PTPRG: variants seen among roughly 807,000 people sequenced by gnomAD.
PTPRG encodes the protein receptor-type tyrosine-protein phosphatase gamma.
In PTPRG, 102 loss-of-function variants were observed where a neutral mutation model predicts 165.3. The observed-to-expected ratio is 0.62, with a 90% CI of 0.53 to 0.73. The LOEUF (loss-of-function observed/expected upper bound fraction) is 0.73, where lower values mean the gene tolerates loss of function less well. PTPRG is among the 30% of genes least tolerant of loss of function. The probability of loss-of-function intolerance (pLI) is 0.00; values close to 1 mark genes in which losing one functional copy is unlikely to be tolerated. For missense variants in PTPRG, 1,866 were observed against 1,861.4 expected, an observed-to-expected ratio of 1.00 and a Z score of -0.05; for synonymous variants, 675 against 669.5, an observed-to-expected ratio of 1.01 and a Z score of -0.13.
At chr3:62,138,674 G>C (rs193216598) in intron 6 of PTPRG, among the ~76,000 whole-genome samples, 17 of 139,926 alleles carry the variant, frequency 1.2e-4, no homozygotes, top group Non-Finnish European at 2.3e-4. Flanking sequence ...AGCTGAGGCT[G>C]CGCCATTGTA....
chr3:62,290,823 A>G (rs1316978380), intron 28 of PTPRG, among the ~76,000 whole-genome samples: 1 of 152,154 alleles, frequency 6.6e-6, no homozygotes, highest in Non-Finnish European at 1.5e-5. Context: ...AAATTAGAAC[A>G]TGTAGGAGAG....
intron 2 of PTPRG, among the ~76,000 whole-genome samples, chr3:61,949,686 G>T (rs770511837): frequency 8.6e-5 from 13 of 151,736 alleles, no homozygotes; most frequent in Admixed American, 6.6e-5. Context: ...CCCTTCCTAA[G>T]CCTTTGGGTT....
intron 1 of PTPRG, among the ~76,000 whole-genome samples, chr3:61,607,310 C>T (rs1701038455): frequency 1.3e-5 from 2 of 152,142 alleles, no homozygotes; most frequent in Non-Finnish European, 2.9e-5. Flanking sequence ...CCTCTGTCTC[C>T]TTGACATGAG....
At chr3:61,584,049 C>T (rs538445057) in intron 1 of PTPRG, among the ~76,000 whole-genome samples, 9 of 152,220 alleles carry the variant, frequency 5.9e-5, no homozygotes, top group South Asian at 4.1e-4. Context: ...TTTGGTTTTT[C>T]GAGTTCATTC....
intron 15 of PTPRG, among the ~76,000 whole-genome samples, chr3:62,248,773 G>A (rs1303298282): frequency 6.6e-6 from 1 of 152,144 alleles, no homozygotes; most frequent in Non-Finnish European, 1.5e-5. Flanking sequence ...CTGGAAATTA[G>A]AAAATCTAAC....
intron 3 of PTPRG, among the ~76,000 whole-genome samples, 180 bp downstream of exon 3, chr3:61,989,984 C>T (rs2040846653): frequency 6.6e-6 from 1 of 151,952 alleles, no homozygotes; most frequent in South Asian, 2.1e-4. Flanking sequence ...GGCTAATCAC[C>T]CTGTGTCTTC....
At chr3:61,890,097 A>G (rs6445239) in intron 2 of PTPRG, among the ~76,000 whole-genome samples, 24,953 of 152,186 alleles carry the variant, frequency 0.16, 4,354 homozygotes, top group African/African-American at 0.44. Flanking sequence ...AGAGTATATG[A>G]GGACAGCTGT....
intron 2 of PTPRG, among the ~76,000 whole-genome samples, chr3:61,945,859 A>G (rs1228362682): frequency 2.0e-5 from 3 of 152,216 alleles, no homozygotes; most frequent in Admixed American, 2.0e-4. Context: ...AGCAGACAAG[A>G]CGGCTATTTC....
intron 1 of PTPRG, among the ~76,000 whole-genome samples, chr3:61,639,193 A>C (rs114887371): frequency 3.9e-5 from 6 of 152,042 alleles, no homozygotes; most frequent in East Asian, 1.9e-4. Flanking sequence ...ATTTTTGTGG[A>C]CTTTGTTGAA....
chr3:62,108,817 G>A (rs768947044), intron 5 of PTPRG, among the ~76,000 whole-genome samples: 2 of 152,244 alleles, frequency 1.3e-5, no homozygotes, highest in East Asian at 3.9e-4. Flanking sequence ...TTTTTTCCAT[G>A]TGTCTGTTGG....
At chr3:61,953,939 A>C (rs2039963382) in intron 2 of PTPRG, among the ~76,000 whole-genome samples, 1 of 152,210 alleles carries the variant, frequency 6.6e-6, no homozygotes, top group South Asian at 2.1e-4. Flanking sequence ...ATGATTCTGA[A>C]TTTAAGGATA....
chr3:62,091,684 A>AGACAATCC lies in PTPRG; in HGVS notation c.615+13432_615+13433insCCGACAAT, dbSNP rs1701935943. On this transcript the variant is annotated intron_variant, in intron 5 of 29. Transcript: ENST00000474889. The stretch of plus-strand genomic sequence containing the variant: ...TCCTTATTAGTGTCTACTTGGTTAG[A>AGACAATCC]GACAATGCCAGCAGTGGGATGTGAT... Among the ~76,000 whole-genome samples the AGACAATCC allele has an allele frequency of 2.0e-5, 3 of 152,182 alleles. No homozygotes were observed. The South Asian group carries it at 6.2e-4, about 31-fold the overall frequency.
At chr3:61,870,823 C>T (rs1236066319) in intron 2 of PTPRG, among the ~76,000 whole-genome samples, 2 of 152,002 alleles carry the variant, frequency 1.3e-5, no homozygotes, top group Admixed American at 6.6e-5. Context: ...ATAACTGCGT[C>T]ATACTAGGCT....
intron 2 of PTPRG, among the ~76,000 whole-genome samples, chr3:61,793,719 G>A (rs1190788524): frequency 1.3e-5 from 2 of 152,158 alleles, no homozygotes; most frequent in Admixed American, 6.5e-5. Flanking sequence ...GTCCAGTCCA[G>A]TACAGCTTTC....
chr3:61,797,113 G>A (rs1474435609), intron 2 of PTPRG, among the ~76,000 whole-genome samples: 1 of 152,208 alleles, frequency 6.6e-6, no homozygotes, highest in Admixed American at 6.5e-5. Flanking sequence ...CTTCCCAGGA[G>A]CTAAGATATT....
At chr3:62,136,567 C>T (rs979658395) in intron 6 of PTPRG, among the ~76,000 whole-genome samples, 4 of 152,130 alleles carry the variant, frequency 2.6e-5, no homozygotes, top group Non-Finnish European at 4.4e-5. Context: ...GTGACTGATA[C>T]GGTTTGGCTG....
At chr3:61,612,998 C>T (rs1701214597) in intron 1 of PTPRG, among the ~76,000 whole-genome samples, 1 of 152,120 alleles carries the variant, frequency 6.6e-6, no homozygotes, top group South Asian at 2.1e-4. Context: ...TCTGTGCTCA[C>T]CTTCGACGAG....
intron 1 of PTPRG, among the ~76,000 whole-genome samples, chr3:61,736,612 A>T (rs1401483955): frequency 1.3e-5 from 2 of 152,094 alleles, no homozygotes; most frequent in East Asian, 3.9e-4. Flanking sequence ...AGATGAGTTG[A>T]ATATTTGTTT....
At chr3:61,704,604 G>A (rs185834419) in intron 1 of PTPRG, among the ~76,000 whole-genome samples, 6 of 148,230 alleles carry the variant, frequency 4.0e-5, no homozygotes, top group African/African-American at 1.5e-4. Flanking sequence ...GACTTTGAGA[G>A]CCACTAGTCT....
Sources: allele counts gnomAD v4.1 joint callset (sites outside exome capture counted in the v4.1 genomes callset), GRCh38; gene constraint gnomAD v4.1.1; transcripts MANE v1.5; gene names NCBI Gene and HGNC (gene_info 2026-07-23, HGNC 2026-07-21).